Variants in SPOP observed in about 807,000 individuals in gnomAD.
SPOP encodes the protein speckle type BTB/POZ protein.
Under a neutral mutation model 45.6 loss-of-function variants are expected in SPOP, and 11 were observed. That is an observed-to-expected ratio of 0.24 (90% CI 0.15 to 0.40). SPOP has a LOEUF of 0.40. SPOP is among the 10% of genes least tolerant of loss of function. The pLI, the probability that SPOP is intolerant of heterozygous loss-of-function variation, is 1.00. For missense variants in SPOP, 152 were observed against 465.6 expected, an observed-to-expected ratio of 0.33 and a Z score of 6.20; for synonymous variants, 166 against 166.3, an observed-to-expected ratio of 1.00 and a Z score of 0.01.
chr17:49,675,139 T>TTCCACTAGGAATTTAAA (rs1361085438), intron 1 of SPOP, among the ~76,000 whole-genome samples: 1 of 152,226 alleles, frequency 6.6e-6, no homozygotes, highest in Non-Finnish European at 1.5e-5. Context: ...GATCCAGCGC[T>TTCCACTAGGAATTTAAA]TCCACTAGGA....
Position 49,600,315 on chromosome 17 carries a change from C to A in SPOP, c.*63G>T. On this transcript the variant is annotated 3_prime_UTR_variant, in exon 10 of 10. Transcript: ENST00000504102. This position sits in a 1 kb window ranked among gnomAD's most constrained non-coding sequence, Gnocchi z 4.2. ...CAGATTGCGCTGTCTACCTGGTGGT[C>A]AGTGGCAGCAACAGTGGCTGCTGCT... 1.2e-6 allele frequency: 2 copies of A among 1,603,664 alleles called. No homozygotes were observed. Among genetic ancestry groups the A allele is most frequent in the South Asian group, 2.2e-5 (2 of 90,462 alleles).
At chr17:49,604,435 A>G (rs1213741960) in intron 8 of SPOP, among the ~76,000 whole-genome samples, 2 of 152,218 alleles carry the variant, frequency 1.3e-5, no homozygotes, top group African/African-American at 4.8e-5. Context: ...AAAGCTGATC[A>G]ATAAAGATAA....
Position 49,600,330 on chromosome 17 carries a change from T to C in SPOP, c.*48A>G, listed in dbSNP as rs974683092. ...ACCTGGTGGTCAGTGGCAGCAACAGTGGCTGCTGCTTCTGGAAATTAAACG... is the reference window on the plus strand; with the variant it reads ...ACCTGGTGGTCAGTGGCAGCAACAGCGGCTGCTGCTTCTGGAAATTAAACG... On this transcript the variant is annotated 3_prime_UTR_variant, in exon 10 of 10. Transcript: ENST00000504102. The surrounding 1 kb of genome is among the most constrained non-coding windows in gnomAD (Gnocchi z 4.2). 10 of 1,608,948 alleles carry C rather than the reference T, an allele frequency of 6.2e-6. No homozygotes were observed. The highest frequency in any genetic ancestry group is 8.5e-6 in the Non-Finnish European group (10 of 1,176,954).
chr17:49,618,486 A>G (rs934318693), intron 5 of SPOP: 17 of 449,662 alleles, frequency 3.8e-5, no homozygotes, highest in Non-Finnish European at 7.6e-5. Context: ...TTCACCCTAG[A>G]AAAAAAATGG....
At chr17:49,622,681 C>T in intron 2 of SPOP, 52 bp downstream of exon 2, 1 of 1,520,256 alleles carries the variant, frequency 6.6e-7, no homozygotes, top group South Asian at 1.1e-5. Context: ...CTCCTTTCGT[C>T]CACCAAATCC....
At chr17:49,616,726 A>G (rs1383190206) in intron 5 of SPOP, among the ~76,000 whole-genome samples, 1 of 152,190 alleles carries the variant, frequency 6.6e-6, no homozygotes, top group East Asian at 1.9e-4. Flanking sequence ...GCATAAGCCC[A>G]AGTATGAGAA....
chr17:49,600,284 G>T lies in SPOP; in HGVS notation c.*94C>A. The T allele has an allele frequency of 2.6e-6, 4 of 1,526,966 alleles. No individual in the cohort carries two copies. The highest frequency in any genetic ancestry group is 3.6e-6 in the Non-Finnish European group (4 of 1,111,832). 94.6% of individuals were successfully genotyped at this position (1,526,966 alleles called of 1,614,324 possible). A position where few individuals can be genotyped will look rare whatever the true frequency, so the allele number is the denominator to read the frequency against. On this transcript the variant is annotated 3_prime_UTR_variant, in exon 10 of 10. Transcript: ENST00000504102. This position sits in a 1 kb window ranked among gnomAD's most constrained non-coding sequence, Gnocchi z 4.2. Reference sequence around the variant, plus strand: ...CTCTTCCCCTCACAACAGAGTAAAAGCTCCACAGATTGCGCTGTCTACCTG... The same window carrying T: ...CTCTTCCCCTCACAACAGAGTAAAATCTCCACAGATTGCGCTGTCTACCTG...
chr17:49,624,420 T>C (rs2072288301), intron 1 of SPOP, among the ~76,000 whole-genome samples: 1 of 152,170 alleles, frequency 6.6e-6, no homozygotes, highest in South Asian at 2.1e-4. Context: ...ATCATTTCAC[T>C]ATGCATATGC....
In SPOP at chr17:49,676,097, T is replaced by C. The variant is rs556100898; in HGVS notation, c.-67+1836A>G. On this transcript the variant is annotated intron_variant, in intron 1 of 9. Coordinates refer to ENST00000504102, the MANE Select transcript of SPOP (RefSeq NM_001007228.2). ...CTGAGAAGACGGACACTTACTACAA[T>C]AGTTTCACTTCTAGATACTACCTAA... 8 of 152,218 alleles carry C rather than the reference T, an allele frequency of 5.3e-5. No homozygotes were observed. The East Asian group carries it at 1.3e-3, about 26-fold the overall frequency. The allele number at this position is 152,218 out of a possible 1,614,324, so 9.4% of individuals were successfully genotyped here.
chr17:49,611,829 A>G (rs1321328124), intron 5 of SPOP, among the ~76,000 whole-genome samples: 1 of 152,194 alleles, frequency 6.6e-6, no homozygotes, highest in African/African-American at 2.4e-5. Context: ...GTTCAATACA[A>G]AGAACTCCTA....
intron 1 of SPOP, among the ~76,000 whole-genome samples, chr17:49,663,301 T>C (rs1011701021): frequency 5.3e-5 from 8 of 152,220 alleles, no homozygotes; most frequent in African/African-American, 1.9e-4. Context: ...TAATACCTGA[T>C]GATCTGAGGT....
chr17:49,607,077 T>A, intron 8 of SPOP, 173 bp downstream of exon 8: 5 of 689,226 alleles, frequency 7.3e-6, no homozygotes, highest in Non-Finnish European at 1.2e-5. Flanking sequence ...CTTTTGAGAA[T>A]AAAAAGTGTG....
At chr17:49,653,106 C>T (rs879259897) in intron 1 of SPOP, among the ~76,000 whole-genome samples, 3 of 151,914 alleles carry the variant, frequency 2.0e-5, no homozygotes, top group Admixed American at 1.3e-4. Context: ...ATTTTTTTTC[C>T]CCCTCATCTT....
chr17:49,614,636 A>T (rs1287485580), intron 5 of SPOP, among the ~76,000 whole-genome samples: 1 of 152,198 alleles, frequency 6.6e-6, no homozygotes, highest in Non-Finnish European at 1.5e-5. Flanking sequence ...CAATGATGTT[A>T]CCTATTGAAT....
chr17:49,639,522 T>C (rs1484991419), intron 1 of SPOP, among the ~76,000 whole-genome samples: 1 of 152,206 alleles, frequency 6.6e-6, no homozygotes, highest in Non-Finnish European at 1.5e-5. Flanking sequence ...GGTATATTCA[T>C]ATAACAGAAT....
intron 1 of SPOP, chr17:49,668,130 T>C (rs536575354): frequency 1.3e-5 from 2 of 152,328 alleles, no homozygotes; most frequent in South Asian, 2.1e-4. Flanking sequence ...AGTTTCCGTA[T>C]TGCAAGATGA....
rs200083628 is a variant in SPOP, at chr17:49,619,119, G to GA, written c.353-12dup. On this transcript the variant is annotated splice_polypyrimidine_tract_variant and intron_variant, in intron 4 of 9. Transcript: ENST00000504102. This position sits in a 1 kb window ranked among gnomAD's most constrained non-coding sequence, Gnocchi z 4.9. ...ATGCCCGTTGACTCTCTGGGGTGGG[G>GA]AAAAAAAAAGTCATATTTAAGGTTA... is the stretch of plus-strand genomic sequence containing the variant. The GA allele has an allele frequency of 7.9e-4, 1,267 of 1,604,740 alleles. 6 individuals carry two copies. In the African/African-American group the frequency reaches 0.015, roughly 19 times the overall value.
At chr17:49,660,840 C>T (rs1162443588) in intron 1 of SPOP, among the ~76,000 whole-genome samples, 1 of 152,130 alleles carries the variant, frequency 6.6e-6, no homozygotes, top group Non-Finnish European at 1.5e-5. Flanking sequence ...GTGGTGGGTG[C>T]CTGTAGTCCC....
At chr17:49,626,699 TAAC>T (rs1449755377) in intron 1 of SPOP, among the ~76,000 whole-genome samples, 1 of 150,590 alleles carries the variant, frequency 6.6e-6, no homozygotes, top group East Asian at 1.9e-4. Flanking sequence ...AAAAAAAAAG[TAAC>T]AACAAATCAC....
Sources: allele counts gnomAD v4.1 joint callset (sites outside exome capture counted in the v4.1 genomes callset), GRCh38; gene constraint gnomAD v4.1.1; non-coding constraint Gnocchi (gnomAD v3.1); transcripts MANE v1.5; gene names NCBI Gene and HGNC (gene_info 2026-07-23, HGNC 2026-07-21).